PARVB: variants seen among roughly 807,000 people sequenced by gnomAD.
PARVB encodes parvin beta.
PARVB carries 46 observed loss-of-function variants against 47.0 expected under a neutral mutation model. The ratio of observed to expected loss-of-function variants is 0.98; its 90% CI spans 0.77 to 1.25. The LOEUF is 1.25. Ranked by LOEUF, PARVB falls within the 50% of genes most tolerant of loss-of-function variation. The pLI, the probability that PARVB is intolerant of heterozygous loss-of-function variation, is 0.00. For synonymous variants in PARVB, 196 were observed against 196.3 expected (o/e 1.00, Z 0.01); for missense variants, 473 against 471.6 (o/e 1.00, Z -0.03).
At chr22:44,097,760 G>A (rs921010444) in intron 2 of PARVB, among the ~76,000 whole-genome samples, 3 of 152,218 alleles carry the variant, frequency 2.0e-5, no homozygotes, top group Admixed American at 1.3e-4. Context: ...CCCTCTAGGC[G>A]GGGTCAGGAA....
chr22:44,063,312 C>T (rs550495673), intron 1 of PARVB, among the ~76,000 whole-genome samples: 3 of 151,712 alleles, frequency 2.0e-5, no homozygotes, highest in Non-Finnish European at 2.9e-5. Flanking sequence ...CTGCAACCTC[C>T]GCCTCCCGGG....
intron 1 of PARVB, among the ~76,000 whole-genome samples, chr22:44,073,273 G>A (rs569810595): frequency 2.0e-4 from 30 of 152,222 alleles, no homozygotes; most frequent in East Asian, 9.7e-4. Flanking sequence ...GCGGATCACC[G>A]GAGGTCAGGG....
At chr22:44,096,979 A>G (rs1291238604) in intron 2 of PARVB, among the ~76,000 whole-genome samples, 7 of 151,614 alleles carry the variant, frequency 4.6e-5, no homozygotes, top group Non-Finnish European at 1.5e-5. Context: ...ACCCCCCGGC[A>G]CCCCCTGGAT....
chr22:44,009,733 A>AT (rs2050502877), intron 2 of PARVB, among the ~76,000 whole-genome samples: 1 of 151,536 alleles, frequency 6.6e-6, no homozygotes, highest in African/African-American at 2.4e-5. Context: ...TTTATATAAT[A>AT]AACATTATAT....
chr22:44,112,756 A>C (rs866016414), intron 3 of PARVB: 1 of 129,382 alleles, frequency 7.7e-6, no homozygotes, highest in African/African-American at 3.6e-5. Context: ...CCCTGCACCA[A>C]CACAGATACA....
chr22:44,038,794 C>A (rs2097358), intron 1 of PARVB, among the ~76,000 whole-genome samples: 131,946 of 152,108 alleles, frequency 0.87, 57,462 homozygotes, highest in African/African-American at 0.94. Context: ...AAACCAAAAA[C>A]CAAAAAACAA....
At position 44,136,533 on chromosome 22, in the gene PARVB, G is replaced by C. The variant is rs767835207; in HGVS notation, c.692+15G>C. 3 of 1,612,172 alleles carry C rather than the reference G, an allele frequency of 1.9e-6. No individual in the cohort carries two copies. The highest frequency in any genetic ancestry group is 8.5e-7 in the Non-Finnish European group (1 of 1,178,396). On this transcript the variant is annotated intron_variant, in intron 7 of 12. Transcript: ENST00000338758. ...ACAACTACAGAGTAAGTGGACCCCTGTCTTGCCCTTCCAGGCCCTGCTGCC... is the reference window on the plus strand; with the variant it reads ...ACAACTACAGAGTAAGTGGACCCCTCTCTTGCCCTTCCAGGCCCTGCTGCC...
intron 1 of PARVB, chr22:44,026,477 C>T: frequency 2.5e-6 from 1 of 398,148 alleles, no homozygotes; most frequent in Non-Finnish European, 3.4e-6. Flanking sequence ...GAGGGACAGG[C>T]TGGATTGGGA....
At chr22:44,087,701 A>C (rs1341823988) in intron 1 of PARVB, among the ~76,000 whole-genome samples, 1 of 149,528 alleles carries the variant, frequency 6.7e-6, no homozygotes, top group Admixed American at 6.6e-5. Flanking sequence ...CATACAAAGA[A>C]GAAGATTAAA....
At position 44,085,277 on chromosome 22, in the gene PARVB, T is replaced by A. The variant is rs1023575684; in HGVS notation, c.113-8651T>A. On this transcript the variant is annotated intron_variant, in intron 1 of 12. Transcript: ENST00000338758. ...CCACCACACCCAGCCTTTGCTGTAT[T>A]GTTCTGCAACATGGTTTTCTTTTTC... Among the ~76,000 whole-genome samples, 9 of 152,194 alleles carry A rather than the reference T, an allele frequency of 5.9e-5. No homozygotes were observed. The East Asian group carries it at 1.5e-3, about 26-fold the overall frequency.
intron 4 of PARVB, among the ~76,000 whole-genome samples, chr22:44,120,570 G>A (rs1460050037): frequency 6.6e-6 from 1 of 152,120 alleles, no homozygotes; most frequent in Non-Finnish European, 1.5e-5. Context: ...ATGTCAGGCT[G>A]CCTGTCATTG....
chr22:43,999,834 G>GAAAAAAAAAAAAAAA (rs113458130), intron 2 of PARVB, among the ~76,000 whole-genome samples: 1 of 69,362 alleles, frequency 1.4e-5, no homozygotes, highest in African/African-American at 4.8e-5. Flanking sequence ...CCATCTATAT[G>GAAAAAAAAAAAAAAA]AAAAAAAAAA....
intron 4 of PARVB, among the ~76,000 whole-genome samples, chr22:44,126,754 A>G (rs1224269595): frequency 6.6e-6 from 1 of 152,140 alleles, no homozygotes; most frequent in Non-Finnish European, 1.5e-5. Context: ...TGTTTTGTTC[A>G]CTTTCATTTT....
chr22:44,147,985 A>G, intron 9 of PARVB, 63 bp downstream of exon 9: 4 of 1,251,520 alleles, frequency 3.2e-6, no homozygotes, highest in Non-Finnish European at 4.7e-6. Flanking sequence ...GACAGCACAA[A>G]CGCCCCGCTG....
At chr22:44,162,300 G>A (rs1297416637) in intron 11 of PARVB, among the ~76,000 whole-genome samples, 2 of 152,154 alleles carry the variant, frequency 1.3e-5, no homozygotes. Context: ...AAATATGATC[G>A]TTGAAAGGAT....
At chr22:44,116,243 C>A in intron 3 of PARVB, 1 of 152,246 alleles carries the variant, frequency 6.6e-6, no homozygotes, top group East Asian at 1.9e-4. Context: ...ATGATTCGAT[C>A]AGGTTGTCAC....
intron 1 of PARVB, among the ~76,000 whole-genome samples, chr22:44,050,347 C>T (rs557070094): frequency 7.4e-4 from 106 of 143,644 alleles, no homozygotes; most frequent in African/African-American, 2.5e-3. Context: ...CCCTTTCGGC[C>T]TTTTTTTTTT....
Position 44,131,521 on chromosome 22 carries a change from G to C in PARVB, c.411G>C (p.Glu137Asp). The C allele has an allele frequency of 6.2e-7, 1 of 1,614,114 alleles. No homozygotes were observed. The highest frequency in any genetic ancestry group is 8.5e-7 in the Non-Finnish European group (1 of 1,180,014). Residue 137 changes from glutamate (E) to aspartate (D), a missense_variant, in exon 5 of 13, where the codon GAG becomes GAC. Glu to Asp is a conservative substitution (Grantham distance 45). Coordinates refer to ENST00000338758, the MANE Select transcript of PARVB (RefSeq NM_013327.5). ...KLAGCKLNVA[E>D]VTQSEIGQKQ... ...CAGGGTGCAAGCTGAATGTGGCTGA[G>C]GTGACACAGTCCGAAATAGGGCAGA...
At chr22:44,028,751 G>A (rs902263624) in intron 1 of PARVB, among the ~76,000 whole-genome samples, 6 of 152,178 alleles carry the variant, frequency 3.9e-5, no homozygotes, top group African/African-American at 7.2e-5. Flanking sequence ...TTTATTCACC[G>A]GTGGCGAACG....
Sources: gnomAD v4.1 joint callset for allele counts (sites outside exome capture counted in the v4.1 genomes callset) on GRCh38, gnomAD v4.1.1 for gene constraint, MANE v1.5 for transcripts, NCBI Gene and HGNC (gene_info 2026-07-23, HGNC 2026-07-21) for gene names.